Variants in GRID1 observed in about 807,000 individuals in gnomAD.
GRID1 encodes the protein glutamate ionotropic receptor delta type subunit 1.
GRID1 carries 28 observed loss-of-function variants against 98.0 expected under a neutral mutation model. The observed-to-expected ratio is 0.29, with a 90% CI of 0.21 to 0.39. GRID1 has a LOEUF of 0.39. Among genes scored for constraint, GRID1 ranks in the 10% least tolerant of loss-of-function variants. GRID1 has a pLI of 1.00. For missense variants in GRID1, 1,111 were observed against 1,340.5 expected (o/e 0.83, Z 2.67); for synonymous variants, 553 against 538.5 (o/e 1.03, Z -0.37).
chr10:85,697,009 T>C (rs1371000811), intron 12 of GRID1, among the ~76,000 whole-genome samples: 1 of 152,128 alleles, frequency 6.6e-6, no homozygotes, highest in African/African-American at 2.4e-5. Flanking sequence ...GATTTTACTC[T>C]TTAAATTTAC....
At chr10:85,734,524 T>C (rs1429636746) in intron 8 of GRID1, among the ~76,000 whole-genome samples, 1 of 152,200 alleles carries the variant, frequency 6.6e-6, no homozygotes, top group African/African-American at 2.4e-5. Context: ...TCTGTCTCCC[T>C]GGCCTTTAGG....
intron 13 of GRID1, among the ~76,000 whole-genome samples, chr10:85,627,847 TTCAGTTCCCAGATGG>T (rs1842929537): frequency 1.3e-5 from 2 of 152,236 alleles, no homozygotes; most frequent in Non-Finnish European, 2.9e-5. Context: ...TGCTCCTTCC[TTCAGTTCCCAGATGG>T]TCAGGAGATC....
intron 8 of GRID1, among the ~76,000 whole-genome samples, chr10:85,835,662 T>C (rs1422828870): frequency 6.6e-6 from 1 of 152,230 alleles, no homozygotes; most frequent in Non-Finnish European, 1.5e-5. Flanking sequence ...GAGAACAGAC[T>C]AATACAACAA....
chr10:85,970,734 G>C (rs1244789305), intron 4 of GRID1, among the ~76,000 whole-genome samples: 1 of 152,036 alleles, frequency 6.6e-6, no homozygotes, highest in Admixed American at 6.5e-5. Context: ...ACTGAATGAT[G>C]AAAGACTCAA....
intron 8 of GRID1, among the ~76,000 whole-genome samples, chr10:85,743,954 A>C (rs1243209952): frequency 6.6e-6 from 1 of 152,212 alleles, no homozygotes; most frequent in Non-Finnish European, 1.5e-5. Flanking sequence ...GAATTTAAAT[A>C]AAGTATATAG....
intron 2 of GRID1, among the ~76,000 whole-genome samples, chr10:86,317,508 C>T (rs757303352): frequency 3.3e-5 from 5 of 152,068 alleles, no homozygotes; most frequent in Non-Finnish European, 7.4e-5. Flanking sequence ...GTGGATTCTC[C>T]ATACTGCCAC....
chr10:85,619,974 C>T lies in GRID1; in HGVS notation c.2253G>A (p.Leu751=). 1 of 1,614,064 alleles carries T rather than the reference C, an allele frequency of 6.2e-7. No individual in the cohort carries two copies. The highest frequency in any genetic ancestry group is 1.1e-5 in the South Asian group (1 of 91,090). The stretch of plus-strand genomic sequence containing the variant: ...CAGTCACCGAGCAGTCGTCATCCGT[C>T]AGGGCTGCGTATTCCACCACGGCCA... ...WDVAVVEYAA[L]TDDDCSVTVI... is the part of the protein sequence containing the mutation. Residue 751 remains leucine (L), a synonymous_variant, in exon 14 of 16, where the codon CTG becomes CTA. Coordinates refer to ENST00000327946, the MANE Select transcript of GRID1 (RefSeq NM_017551.3).
intron 5 of GRID1, among the ~76,000 whole-genome samples, chr10:85,914,751 A>T (rs1457664062): frequency 6.6e-6 from 1 of 152,218 alleles, no homozygotes; most frequent in Admixed American, 6.5e-5. Flanking sequence ...GACATCATAA[A>T]AGAATGAATT....
intron 8 of GRID1, among the ~76,000 whole-genome samples, chr10:85,743,711 C>A (rs1841971960): frequency 6.6e-6 from 1 of 151,874 alleles, no homozygotes; most frequent in Non-Finnish European, 1.5e-5. Flanking sequence ...GTAAAAGCCA[C>A]AATTAATTTT....
chr10:86,141,912 C>T (rs1486281277), intron 3 of GRID1, among the ~76,000 whole-genome samples: 1 of 152,254 alleles, frequency 6.6e-6, no homozygotes, highest in African/African-American at 2.4e-5. Context: ...GGCTCCTAAT[C>T]CCAGGCTTTT....
At chr10:86,232,194 C>A (rs534590726) in intron 2 of GRID1, among the ~76,000 whole-genome samples, 251 of 152,254 alleles carry the variant, frequency 1.6e-3, no homozygotes, top group Non-Finnish European at 2.8e-3. Flanking sequence ...AACTGGGAGG[C>A]CAGGGAGGGC....
chr10:85,652,275 T>C, intron 12 of GRID1, among the ~76,000 whole-genome samples: 1 of 152,234 alleles, frequency 6.6e-6, no homozygotes, highest in East Asian at 1.9e-4. Context: ...ATAAATGTGT[T>C]TGCAGTATGA....
intron 4 of GRID1, among the ~76,000 whole-genome samples, chr10:85,942,006 T>C (rs1842002344): frequency 6.6e-6 from 1 of 152,208 alleles, no homozygotes; most frequent in South Asian, 2.1e-4. Context: ...CATCTTTCCA[T>C]GCTAGCTTGA....
At chr10:85,672,572 C>T (rs993698086) in intron 12 of GRID1, among the ~76,000 whole-genome samples, 16 of 152,232 alleles carry the variant, frequency 1.1e-4, no homozygotes, top group African/African-American at 3.4e-4. Context: ...TCCCAAAGTG[C>T]TGGGATAACA....
chr10:86,206,960 T>A lies in GRID1; in HGVS notation c.236-312A>T, dbSNP rs539012832. Reference sequence around the variant, plus strand: ...GTAGAGCACAGATCCATCCCAAATCTGCCTGATTCACCCCCACTGAGCTGT... The same window carrying A: ...GTAGAGCACAGATCCATCCCAAATCAGCCTGATTCACCCCCACTGAGCTGT... On this transcript the variant is annotated intron_variant, in intron 2 of 15. Coordinates refer to ENST00000327946, the MANE Select transcript of GRID1 (RefSeq NM_017551.3). The surrounding 1 kb of genome is among the most constrained non-coding windows in gnomAD (Gnocchi z 4.1). Among the ~76,000 whole-genome samples the A allele has an allele frequency of 1.3e-5, 2 of 152,336 alleles. No individual in the cohort carries two copies. The highest frequency in any genetic ancestry group is 4.1e-4 in the South Asian group (2 of 4,822).
intron 15 of GRID1, chr10:85,612,937 T>C (rs1031381655): frequency 6.5e-6 from 1 of 154,434 alleles, no homozygotes; most frequent in African/African-American, 2.4e-5. Flanking sequence ...GCAGGAGGAA[T>C]ATAGGGAGAA....
chr10:85,937,717 A>C (rs1841945215), intron 4 of GRID1, among the ~76,000 whole-genome samples: 1 of 152,170 alleles, frequency 6.6e-6, no homozygotes, highest in Non-Finnish European at 1.5e-5. Context: ...AACATTTGGC[A>C]ATGTCTGGGG....
At chr10:85,855,019 G>A (rs532504960) in intron 7 of GRID1, among the ~76,000 whole-genome samples, 19 of 152,312 alleles carry the variant, frequency 1.2e-4, no homozygotes, top group Non-Finnish European at 2.2e-4. Flanking sequence ...AGGTCAACAG[G>A]AGACATATCA....
intron 4 of GRID1, among the ~76,000 whole-genome samples, chr10:86,080,404 AAGGGAAGGGGAGGGGAGGGGAGGGG>A (rs1372809898): frequency 2.1e-5 from 1 of 47,228 alleles, no homozygotes; most frequent in Non-Finnish European, 3.5e-5. Context: ...AAGGGAAGGG[AAGGGAAGGGGAGGGGAGGGGAGGGG>A]AGGGGAGGGG....
Sources: gnomAD v4.1 joint callset for allele counts (sites outside exome capture counted in the v4.1 genomes callset) on GRCh38, gnomAD v4.1.1 for gene constraint, Gnocchi (gnomAD v3.1) non-coding constraint, MANE v1.5 for transcripts, NCBI Gene and HGNC (gene_info 2026-07-23, HGNC 2026-07-21) for gene names.